CAST: variants seen among roughly 807,000 people sequenced by gnomAD.
CAST encodes the protein MIR583 host.
CAST carries 76 observed loss-of-function variants against 119.6 expected under a neutral mutation model. The observed-to-expected ratio is 0.64, with a 90% confidence interval of 0.53 to 0.77. The LOEUF (loss-of-function observed/expected upper bound fraction) is 0.77. Among genes scored for constraint, CAST ranks in the 30% least tolerant of loss-of-function variants. CAST has a pLI of 0.00. For missense variants in CAST, 953 were observed against 946.5 expected (o/e 1.01, Z -0.09); for synonymous variants, 319 against 331.6 (o/e 0.96, Z 0.41).
intron 2 of CAST, among the ~76,000 whole-genome samples, chr5:96,692,134 C>A (rs1752795555): frequency 6.6e-6 from 1 of 152,112 alleles, no homozygotes; most frequent in Non-Finnish European, 1.5e-5. Flanking sequence ...TAGATGAATT[C>A]TTTCCTCAGG....
At chr5:96,577,713 A>G (rs1303704042) in intron 1 of CAST, among the ~76,000 whole-genome samples, 1 of 151,922 alleles carries the variant, frequency 6.6e-6, no homozygotes, top group Admixed American at 6.6e-5. Context: ...ATTGGTTTCT[A>G]GTTTGATTCT....
intron 1 of CAST, among the ~76,000 whole-genome samples, chr5:96,617,078 C>T (rs1747474001): frequency 6.6e-6 from 1 of 152,166 alleles, no homozygotes; most frequent in Non-Finnish European, 1.5e-5. Context: ...GGACAGGTTG[C>T]TACTGTGAAT....
At chr5:96,293,975 G>T in the CAST span, among the ~76,000 whole-genome samples, 1 of 151,832 alleles carries the variant, frequency 6.6e-6, no homozygotes, top group East Asian at 1.9e-4. Flanking sequence ...GGCCAGGCTG[G>T]TCTTGAACTC....
At chr5:96,373,529 G>A in the CAST span, among the ~76,000 whole-genome samples, 1 of 152,184 alleles carries the variant, frequency 6.6e-6, no homozygotes, top group Non-Finnish European at 1.5e-5. Context: ...TTACTGAGGT[G>A]TAGGACTTTC....
In CAST at chr5:96,745,821, G is replaced by A. The variant is rs79748865; in HGVS notation, c.1201-521G>A. Among the ~76,000 whole-genome samples the A allele has an allele frequency of 9.2e-3, 1,395 of 152,298 alleles. 29 individuals carry two copies. Among genetic ancestry groups the A allele is most frequent in the African/African-American group, 0.032 (1,317 of 41,558 alleles). ...GATCAGCCAAGATTTGTGATGGGCC[G>A]CTTCTCCCATATCTGAACTGGGTTT... On this transcript the variant is annotated intron_variant, in intron 16 of 31. Transcript: ENST00000675179.
At chr5:96,181,667 T>C in the CAST span, among the ~76,000 whole-genome samples, 2 of 152,226 alleles carry the variant, frequency 1.3e-5, no homozygotes, top group Non-Finnish European at 2.9e-5. Flanking sequence ...CTTCTGTGTT[T>C]TAATTTTCAT....
chr5:96,553,770 AG>A (rs1201625766), intron 1 of CAST, among the ~76,000 whole-genome samples: 2 of 152,350 alleles, frequency 1.3e-5, no homozygotes, highest in East Asian at 3.9e-4. Context: ...ACAGACAAAC[AG>A]AGAGCCAAAT....
intron 3 of CAST, among the ~76,000 whole-genome samples, chr5:96,701,458 CA>C (rs1753878693): frequency 6.6e-6 from 1 of 151,968 alleles, no homozygotes; most frequent in Admixed American, 6.6e-5. Context: ...AAAGGAATGA[CA>C]ATACTAATGA....
At chr5:96,724,053 TCA>T (rs1450170463) in intron 4 of CAST, among the ~76,000 whole-genome samples, 1 of 152,244 alleles carries the variant, frequency 6.6e-6, no homozygotes, top group Non-Finnish European at 1.5e-5. Context: ...TCTAAAATTA[TCA>T]GTTTTTAAAT....
At chr5:96,355,985 C>A in the CAST span, among the ~76,000 whole-genome samples, 1 of 152,174 alleles carries the variant, frequency 6.6e-6, no homozygotes, top group Non-Finnish European at 1.5e-5. Flanking sequence ...CAGGCATGAA[C>A]CACTGCACCC....
At chr5:96,154,213 G>GCTTGT in the CAST span, among the ~76,000 whole-genome samples, 4 of 151,930 alleles carry the variant, frequency 2.6e-5, no homozygotes, top group Non-Finnish European at 5.9e-5. Context: ...GGGAGGCAGA[G>GCTTGT]CTTGCAGTGA....
the CAST span, among the ~76,000 whole-genome samples, chr5:96,462,429 A>C: frequency 6.6e-6 from 1 of 152,140 alleles, no homozygotes; most frequent in Non-Finnish European, 1.5e-5. Context: ...CTACAAGTAA[A>C]GATTCTTATC....
At position 96,534,688 on chromosome 5, in the gene CAST, G is replaced by GAGGAGGGAAGGAAGGAAGGA. The variant is rs764479104; in HGVS notation, c.60+4812_60+4813insGGGAAGGAAGGAAGGAAGGA. 3.5e-4 allele frequency among the ~76,000 whole-genome samples: 13 copies of GAGGAGGGAAGGAAGGAAGGA among 36,954 alleles called. 1 individual carries two copies. Among genetic ancestry groups the GAGGAGGGAAGGAAGGAAGGA allele is most frequent in the East Asian group, 2.2e-3 (1 of 448 alleles). 24.2% of individuals were successfully genotyped at this position (36,954 alleles called of 152,430 possible). ...CATCAAAGAAAGAAAGAGAGAGAGA[G>GAGGAGGGAAGGAAGGAAGGA]AGGAAGGAAGGAAGGAAGGAAGGAA... On this transcript the variant is annotated intron_variant, in intron 1 of 11. Transcript: ENST00000505143.
At chr5:96,343,423 C>G in the CAST span, among the ~76,000 whole-genome samples, 3 of 152,194 alleles carry the variant, frequency 2.0e-5, no homozygotes, top group East Asian at 5.8e-4. Flanking sequence ...TGCTTGCTAC[C>G]TTTTTAGGGG....
At chr5:96,406,736 C>T in the CAST span, among the ~76,000 whole-genome samples, 1 of 152,210 alleles carries the variant, frequency 6.6e-6, no homozygotes, top group Admixed American at 6.5e-5. Flanking sequence ...GACATAAGGA[C>T]ACTGCTTTGT....
the CAST span, among the ~76,000 whole-genome samples, chr5:96,273,176 T>C: frequency 6.6e-6 from 1 of 152,262 alleles, no homozygotes; most frequent in South Asian, 2.1e-4. Flanking sequence ...ATGACGTTGA[T>C]AAACTTGATG....
chr5:95,966,587 G>C, the CAST span, among the ~76,000 whole-genome samples: 5 of 151,926 alleles, frequency 3.3e-5, no homozygotes, highest in Non-Finnish European at 1.5e-5. Context: ...AAAAAAAATT[G>C]TGATTTGGAA....
chr5:96,523,116 C>CTGG (rs892878577), upstream of CAST, among the ~76,000 whole-genome samples: 2 of 152,264 alleles, frequency 1.3e-5, no homozygotes, highest in Non-Finnish European at 2.9e-5. Flanking sequence ...CCCAGTGCTA[C>CTGG]TGGAAAACCT....
the CAST span, among the ~76,000 whole-genome samples, chr5:95,997,022 G>A: frequency 6.6e-6 from 1 of 152,066 alleles, no homozygotes; most frequent in African/African-American, 2.4e-5. Context: ...ACATATTCAT[G>A]TTGCTCAAAA....
Sources: allele counts gnomAD v4.1 joint callset (sites outside exome capture counted in the v4.1 genomes callset), GRCh38; gene constraint gnomAD v4.1.1; transcripts MANE v1.5; gene names NCBI Gene and HGNC (gene_info 2026-07-23, HGNC 2026-07-21).